The following CHD8 variants were observed in gnomAD, a reference collection of about 807,000 sequenced individuals.
The protein encoded by CHD8 is chromodomain helicase DNA binding protein 8, also known as ATP-dependent chromatin remodeler CHD8.
In CHD8, 31 loss-of-function variants were observed where a neutral mutation model predicts 279.2. The ratio of observed to expected loss-of-function variants is 0.11; its 90% CI spans 0.08 to 0.15. The LOEUF (loss-of-function observed/expected upper bound fraction) is 0.15, where lower values mean the gene tolerates loss of function less well. Ranked by LOEUF, CHD8 falls within the 10% of genes least tolerant of loss-of-function variation. The pLI, the probability that CHD8 is intolerant of heterozygous loss-of-function variation, is 1.00. For missense variants in CHD8, 2,146 were observed against 3,230.5 expected, an observed-to-expected ratio of 0.66 and a Z score of 8.14; for synonymous variants, 1,081 against 1,139.6, an observed-to-expected ratio of 0.95 and a Z score of 1.04.
At chr14:21,395,722 A>G in intron 28 of CHD8, 95 bp downstream of exon 28, 1 of 786,100 alleles carries the variant, frequency 1.3e-6, no homozygotes, top group South Asian at 1.6e-5. Context: ...TTTGTATTAT[A>G]AATTAACCAA....
intron 1 of CHD8, among the ~76,000 whole-genome samples, chr14:21,444,917 C>T (rs1890074682): frequency 6.6e-6 from 1 of 152,142 alleles, no homozygotes. Flanking sequence ...AACTCTTGGT[C>T]TGTATATCTC....
intron 29 of CHD8, 40 bp from the exon 30 acceptor site, chr14:21,395,159 G>C (rs1225954366): frequency 1.3e-6 from 2 of 1,583,862 alleles, no homozygotes; most frequent in East Asian, 2.3e-5. Context: ...AGTATAGCAA[G>C]GGTAGTAGAG....
Position 21,430,644 on chromosome 14 carries a change from C to A in CHD8, c.843+157G>T, listed in dbSNP as rs146339753. On this transcript the variant is annotated intron_variant, in intron 2 of 37. Transcript: ENST00000646647. ...GTTAACATTAACTGCTTCCAACCAG[C>A]AAGTACTAAGTATGTGGCTGTCACA... 6.7e-5 allele frequency: 40 copies of A among 596,212 alleles called. No homozygotes were observed. The East Asian group carries it at 1.1e-3, about 17-fold the overall frequency. The allele number at this position is 596,212 out of a possible 1,614,324, so 36.9% of individuals were successfully genotyped here.
intron 5 of CHD8, among the ~76,000 whole-genome samples, chr14:21,424,442 C>T (rs1040735690): frequency 1.3e-5 from 2 of 151,516 alleles, no homozygotes; most frequent in African/African-American, 4.9e-5. Flanking sequence ...CCTCATTTTC[C>T]TTTTTAAAAC....
At chr14:21,401,728 G>A (rs891964747) in intron 20 of CHD8, 6 of 584,454 alleles carry the variant, frequency 1.0e-5, no homozygotes, top group Non-Finnish European at 8.9e-6. Context: ...GGGACGACAG[G>A]CGCAAGCCAC....
At chr14:21,452,635 C>T (rs1024555800) in intron 1 of CHD8, among the ~76,000 whole-genome samples, 5 of 151,060 alleles carry the variant, frequency 3.3e-5, no homozygotes, top group African/African-American at 1.2e-4. Flanking sequence ...CACAGGGAGA[C>T]TTGTCTCAAA....
At position 21,393,878 on chromosome 14, in the gene CHD8, G is replaced by A. The variant is rs780262337; in HGVS notation, c.5917C>T (p.Pro1973Ser). ...GAGCAGCGTGACAAGGATGGAGCTG[G>A]TGCTCCTGCTTGATGGTTCTGCATA... ...NYMQNHQAGA[P>S]APSLSRCSTP... Residue 1973 changes from proline (P) to serine (S), a missense_variant, in exon 32 of 38, where the codon CCA (proline) becomes TCA (serine). By Grantham distance (74) the Pro-to-Ser change is moderately conservative. This residue lies in a region of CHD8 where 513 missense variants were observed against 637.6 expected (regional missense o/e 0.80). Coordinates refer to ENST00000646647, the MANE Select transcript of CHD8 (RefSeq NM_001170629.2). The A allele has an allele frequency of 8.1e-6, 13 of 1,613,928 alleles. No homozygotes were observed. The East Asian group carries it at 2.7e-4, about 33-fold the overall frequency.
intron 20 of CHD8, 76 bp from the exon 21 acceptor site, chr14:21,401,589 AAC>A (rs1826110066): frequency 1.0e-6 from 1 of 974,604 alleles, no homozygotes; most frequent in African/African-American, 1.7e-5. Context: ...ATGTTTTAAA[AAC>A]ATTTTTTTTT....
At chr14:21,386,612 G>A (rs544314392) in intron 37 of CHD8, among the ~76,000 whole-genome samples, 4 of 151,846 alleles carry the variant, frequency 2.6e-5, no homozygotes, top group African/African-American at 9.7e-5. Context: ...CCGAGGCGGG[G>A]GAATCACAAG....
At chr14:21,419,894 C>A (rs775615588) in intron 5 of CHD8, 1 of 317,318 alleles carries the variant, frequency 3.2e-6, no homozygotes. Context: ...GCCAGGGCCA[C>A]CTGTGCAATG....
intron 1 of CHD8, among the ~76,000 whole-genome samples, chr14:21,444,787 T>C (rs1221150476): frequency 6.6e-6 from 1 of 152,198 alleles, no homozygotes; most frequent in African/African-American, 2.4e-5. Flanking sequence ...TTCTTTTCAT[T>C]CTATACTTTC....
Position 21,412,903 on chromosome 14 carries a change from A to C in CHD8, c.2226+10T>G. 1 of 1,561,924 alleles carries C rather than the reference A, an allele frequency of 6.4e-7. No homozygotes were observed. The highest frequency in any genetic ancestry group is 8.8e-7 in the Non-Finnish European group (1 of 1,133,002). On this transcript the variant is annotated intron_variant, in intron 10 of 37. Transcript: ENST00000646647. ...GGATGTTCACGTTACTCCATGCCTC[A>C]ACAACTCACCTCCCCATTGTCCTTG...
intron 1 of CHD8, among the ~76,000 whole-genome samples, chr14:21,442,692 AGGG>A (rs1479665711): frequency 1.6e-4 from 14 of 87,418 alleles, no homozygotes; most frequent in Non-Finnish European, 2.5e-4. Flanking sequence ...AGGGGAGGGG[AGGG>A]GAGGAGAGGA....
rs1486390865 is a variant in CHD8, at chr14:21,426,329, C to G, written c.1602-87G>C. ...CATAATTAATCTAAACCATCACATA[C>G]AAAACTTCCAGACAGAAGTTTTTAG... On this transcript the variant is annotated intron_variant, in intron 4 of 37. Coordinates refer to ENST00000646647, the MANE Select transcript of CHD8 (RefSeq NM_001170629.2). The G allele has an allele frequency of 4.5e-6, 3 of 672,768 alleles. No homozygotes were observed. In the African/African-American group the frequency reaches 5.5e-5, roughly 12 times the overall value. 41.7% of individuals were successfully genotyped at this position (672,768 alleles called of 1,614,324 possible).
intron 1 of CHD8, among the ~76,000 whole-genome samples, chr14:21,436,432 T>C (rs1300325285): frequency 1.3e-5 from 2 of 152,236 alleles, no homozygotes; most frequent in African/African-American, 4.8e-5. Context: ...ACGAAGGGTC[T>C]CAAATCTTAT....
chr14:21,390,834 C>G, intron 37 of CHD8, 113 bp downstream of exon 37: 1 of 633,536 alleles, frequency 1.6e-6, no homozygotes, highest in Non-Finnish European at 2.7e-6. Context: ...TAATTCTTCA[C>G]ACAAACAAAC....
rs886043373 is a variant in CHD8 at position 21,393,787 on chromosome 14, G to C, written c.6008C>G (p.Ala2003Gly). The change falls in exon 32 of 38, where the codon GCT becomes GGT. Residue 2003 changes from alanine to glycine, a missense_variant. By Grantham distance (60) the Ala-to-Gly change is moderately conservative. Transcript: ENST00000646647. ...TASPLPLRPDAPVEKSPEETA... is the reference protein window; with the variant it reads ...TASPLPLRPDGPVEKSPEETA... Reference sequence around the variant, plus strand: ...CTCCTCGGGTGACTTTTCAACAGGAGCATCTGGGCGCAGGGGCAGTGGTGA... The same window carrying C: ...CTCCTCGGGTGACTTTTCAACAGGACCATCTGGGCGCAGGGGCAGTGGTGA... 1 of 1,613,966 alleles carries C rather than the reference G, an allele frequency of 6.2e-7. No homozygotes were observed. The highest frequency in any genetic ancestry group is 1.1e-5 in the South Asian group (1 of 91,074).
chr14:21,391,646 C>T lies in CHD8; in HGVS notation c.6886-4G>A, dbSNP rs749265628. The T allele has an allele frequency of 1.5e-6, 2 of 1,318,210 alleles. No individual in the cohort carries two copies. The highest frequency in any genetic ancestry group is 4.8e-5 in the East Asian group (1 of 20,844). 81.7% of individuals were successfully genotyped at this position (1,318,210 alleles called of 1,614,324 possible). ...CTTCCATGCACTCCACCTCCAGCTGCAAACCCAGAATCCACCCCCATGAGC... is the reference window on the plus strand; with the variant it reads ...CTTCCATGCACTCCACCTCCAGCTGTAAACCCAGAATCCACCCCCATGAGC... On this transcript the variant is annotated splice_region_variant and splice_polypyrimidine_tract_variant and intron_variant, in intron 35 of 37. Coordinates refer to ENST00000646647, the MANE Select transcript of CHD8 (RefSeq NM_001170629.2).
At chr14:21,437,245 C>T (rs772474184) in intron 1 of CHD8, 33 of 1,172,494 alleles carry the variant, frequency 2.8e-5, no homozygotes, top group Non-Finnish European at 3.4e-5. Flanking sequence ...TCTCCAGCAC[C>T]AGTTCCCCCT....
Sources: gnomAD v4.1 joint callset for allele counts (sites outside exome capture counted in the v4.1 genomes callset) on GRCh38, gnomAD v4.1.1 for gene constraint, gnomAD v4.1.1 regional missense constraint, MANE v1.5 for transcripts, NCBI Gene and HGNC (gene_info 2026-07-23, HGNC 2026-07-21) for gene names.